The following SDK1 variants were observed in gnomAD, a reference collection of about 807,000 sequenced individuals.
SDK1 encodes the protein sidekick cell adhesion molecule 1, also known as protein sidekick-1.
A neutral mutation model predicts 245.5 loss-of-function variants in SDK1; 157 were observed. That is an observed-to-expected ratio of 0.64 (90% CI 0.56 to 0.73). The LOEUF is 0.73. Ranked by LOEUF, SDK1 falls within the 30% of genes least tolerant of loss-of-function variation. SDK1 has a pLI of 0.00. For synonymous variants in SDK1, 1,647 were observed against 1,278.5 expected, an observed-to-expected ratio of 1.29 and a Z score of -6.15; for missense variants, 3,583 against 3,002.3, an observed-to-expected ratio of 1.19 and a Z score of -4.52.
chr7:3,805,992 G>A (rs1030218606), intron 4 of SDK1, among the ~76,000 whole-genome samples: 10 of 151,788 alleles, frequency 6.6e-5, no homozygotes, highest in African/African-American at 2.2e-4. Flanking sequence ...AATTTTCAAG[G>A]TGTTCCTCCT....
intron 4 of SDK1, among the ~76,000 whole-genome samples, chr7:3,708,919 C>G (rs528681247): frequency 1.3e-5 from 2 of 152,336 alleles, no homozygotes; most frequent in Admixed American, 1.3e-4. Flanking sequence ...TTAAGTGAAG[C>G]ACTTAGGCCA....
intron 1 of SDK1, among the ~76,000 whole-genome samples, chr7:3,456,231 T>G (rs1417375474): frequency 6.6e-6 from 1 of 152,232 alleles, no homozygotes; most frequent in Non-Finnish European, 1.5e-5. Context: ...TCACTCAGCT[T>G]CTTGAATCTG....
At chr7:4,206,671 C>T (rs1205965594) in intron 36 of SDK1, among the ~76,000 whole-genome samples, 5 of 152,090 alleles carry the variant, frequency 3.3e-5, no homozygotes, top group African/African-American at 4.8e-5. Context: ...CACCTCTCCA[C>T]GTCCCATCCC....
intron 1 of SDK1, among the ~76,000 whole-genome samples, chr7:3,350,855 C>A (rs1024366040): frequency 6.6e-6 from 1 of 152,004 alleles, no homozygotes; most frequent in African/African-American, 2.4e-5. Flanking sequence ...GTTTTTTCCC[C>A]CCATTAAAAG....
At chr7:3,340,053 C>T (rs1435755339) in intron 1 of SDK1, among the ~76,000 whole-genome samples, 1 of 152,020 alleles carries the variant, frequency 6.6e-6, no homozygotes, top group Non-Finnish European at 1.5e-5. Flanking sequence ...ATTAGGAAAT[C>T]CCACAGATAA....
intron 19 of SDK1, among the ~76,000 whole-genome samples, 193 bp downstream of exon 19, chr7:4,052,023 G>A (rs915514654): frequency 3.3e-5 from 5 of 152,262 alleles, no homozygotes; most frequent in Admixed American, 2.0e-4. Flanking sequence ...CACGTGGACA[G>A]TGGAGGGTGG....
At chr7:4,100,818 C>T (rs531016593) in intron 22 of SDK1, among the ~76,000 whole-genome samples, 4 of 152,158 alleles carry the variant, frequency 2.6e-5, no homozygotes, top group African/African-American at 4.8e-5. Flanking sequence ...CTGGACCGCT[C>T]GGCACAGCAA....
intron 23 of SDK1, among the ~76,000 whole-genome samples, chr7:4,111,740 G>A (rs1288371852): frequency 6.6e-6 from 1 of 152,200 alleles, no homozygotes; most frequent in Non-Finnish European, 1.5e-5. Flanking sequence ...AGAGATCAGT[G>A]TCCCTGTCTG....
intron 1 of SDK1, among the ~76,000 whole-genome samples, chr7:3,558,925 A>G (rs1779668443): frequency 6.6e-6 from 1 of 152,170 alleles, no homozygotes; most frequent in Non-Finnish European, 1.5e-5. Context: ...AATTCACATA[A>G]TCATTTTTCC....
chr7:3,378,949 C>T (rs906682900), intron 1 of SDK1, among the ~76,000 whole-genome samples: 9 of 152,082 alleles, frequency 5.9e-5, no homozygotes, highest in Non-Finnish European at 1.2e-4. Context: ...GGAGCAGACC[C>T]CTGAGTCAGA....
intron 1 of SDK1, among the ~76,000 whole-genome samples, chr7:3,435,733 A>G (rs1202478247): frequency 6.6e-6 from 1 of 151,600 alleles, no homozygotes; most frequent in African/African-American, 2.4e-5. Flanking sequence ...CCTAAGTCCA[A>G]CTCCCACTGC....
intron 1 of SDK1, among the ~76,000 whole-genome samples, chr7:3,440,811 C>T (rs1258365898): frequency 6.6e-6 from 1 of 152,076 alleles, no homozygotes; most frequent in Non-Finnish European, 1.5e-5. Flanking sequence ...AAGTTATGGC[C>T]ACAATGTGTA....
intron 5 of SDK1, among the ~76,000 whole-genome samples, chr7:3,881,153 G>A (rs571827824): frequency 3.2e-4 from 49 of 151,884 alleles, no homozygotes; most frequent in Admixed American, 6.6e-4. Context: ...GGTTTGTTAC[G>A]CAGGTAAACC....
chr7:3,793,254 A>T (rs914152156), intron 4 of SDK1, among the ~76,000 whole-genome samples: 1 of 152,186 alleles, frequency 6.6e-6, no homozygotes, highest in Non-Finnish European at 1.5e-5. Context: ...ATATTAAAAG[A>T]TCCTGTCAAT....
chr7:4,183,589 C>CA (rs1386254499), intron 35 of SDK1, among the ~76,000 whole-genome samples: 2 of 138,822 alleles, frequency 1.4e-5, no homozygotes, highest in Admixed American at 1.6e-4. Flanking sequence ...TGCAGTAAGC[C>CA]AAAATCGCAC....
chr7:3,444,160 A>G (rs934466492), intron 1 of SDK1, among the ~76,000 whole-genome samples: 6 of 152,098 alleles, frequency 3.9e-5, no homozygotes, highest in Admixed American at 1.3e-4. Context: ...GTCCTTATTT[A>G]TAAGACAGAG....
chr7:3,557,829 C>T (rs900549080), intron 1 of SDK1, among the ~76,000 whole-genome samples: 3 of 152,052 alleles, frequency 2.0e-5, no homozygotes, highest in Non-Finnish European at 2.9e-5. Context: ...CTCCAGAGAC[C>T]TTGTTCTCAT....
Position 3,691,129 on chromosome 7 carries a change from T to C in SDK1, c.713+49024T>C, listed in dbSNP as rs141641484. Among the ~76,000 whole-genome samples, 9 of 152,358 alleles carry C rather than the reference T, an allele frequency of 5.9e-5. No individual in the cohort carries two copies. The East Asian group carries it at 1.7e-3, about 29-fold the overall frequency. The stretch of plus-strand genomic sequence containing the variant: ...AGCTTACCAATTTATTGTAGATAAT[T>C]ACACCAATGTTTCATTCCTTAGAAT... On this transcript the variant is annotated intron_variant, in intron 4 of 44. Transcript: ENST00000404826.
Position 4,266,500 on chromosome 7 carries a change from A to G in SDK1, c.*1116A>G. 2 of 984,932 alleles carry G rather than the reference A, an allele frequency of 2.0e-6. No individual in the cohort carries two copies. Among genetic ancestry groups the G allele is most frequent in the South Asian group, 9.4e-5 (2 of 21,248 alleles). The allele number at this position is 984,932 out of a possible 1,614,324, so 61.0% of individuals were successfully genotyped here. A position where few individuals can be genotyped will look rare whatever the true frequency, so the allele number is the denominator to read the frequency against. On this transcript the variant is annotated 3_prime_UTR_variant, in exon 45 of 45. Transcript: ENST00000404826. ...TCGCAGCAGCCACCGCTTCTCCACCACTGGCGCTGCTGCTGCCCCCTCTCC... is the reference window on the plus strand; with the variant it reads ...TCGCAGCAGCCACCGCTTCTCCACCGCTGGCGCTGCTGCTGCCCCCTCTCC...
Sources: allele counts gnomAD v4.1 joint callset (sites outside exome capture counted in the v4.1 genomes callset), GRCh38; gene constraint gnomAD v4.1.1; transcripts MANE v1.5; gene names NCBI Gene and HGNC (gene_info 2026-07-23, HGNC 2026-07-21).